TMEM132C: variants seen among roughly 807,000 people sequenced by gnomAD.
TMEM132C encodes the protein transmembrane protein 132C, also known as protein phosphatase 1, regulatory subunit 152.
TMEM132C carries 29 observed loss-of-function variants against 61.4 expected under a neutral mutation model. That is an observed-to-expected ratio of 0.47 (90% CI 0.35 to 0.64). The LOEUF (loss-of-function observed/expected upper bound fraction) is 0.64, where lower values mean the gene tolerates loss of function less well. TMEM132C is among the 30% of genes least tolerant of loss of function. The pLI is 0.00. For synonymous variants in TMEM132C, 656 were observed against 633.1 expected, an observed-to-expected ratio of 1.04 and a Z score of -0.54; for missense variants, 1,408 against 1,476.9, an observed-to-expected ratio of 0.95 and a Z score of 0.76.
intron 1 of TMEM132C, among the ~76,000 whole-genome samples, chr12:128,359,359 C>T (rs1225722613): frequency 6.6e-6 from 1 of 152,076 alleles, no homozygotes; most frequent in Non-Finnish European, 1.5e-5. Context: ...TTTATAAAAC[C>T]ATCAGATCTG....
intron 1 of TMEM132C, among the ~76,000 whole-genome samples, chr12:128,413,570 G>A (rs1389443464): frequency 1.3e-5 from 2 of 151,676 alleles, no homozygotes; most frequent in African/African-American, 4.8e-5. Flanking sequence ...TAGGTAAGAG[G>A]TGGTATTTGT....
chr12:128,313,602 G>C (rs9804832), intron 1 of TMEM132C, among the ~76,000 whole-genome samples: 49,124 of 152,082 alleles, frequency 0.32, 8,486 homozygotes, highest in East Asian at 0.47. Context: ...TTTTCTCCAA[G>C]GTCCTGCAGG....
chr12:128,670,636 A>G (rs913769643), intron 5 of TMEM132C, among the ~76,000 whole-genome samples: 2 of 152,206 alleles, frequency 1.3e-5, no homozygotes, highest in Non-Finnish European at 2.9e-5. Flanking sequence ...ACAGTCTTCC[A>G]TTGTGTTTAT....
intron 1 of TMEM132C, among the ~76,000 whole-genome samples, chr12:128,309,753 G>T: frequency 6.8e-6 from 1 of 146,824 alleles, no homozygotes. Context: ...TTTTTCCTGA[G>T]ATGGAGTCTC....
chr12:128,529,576 G>C (rs1335752086), intron 2 of TMEM132C, among the ~76,000 whole-genome samples: 1 of 152,150 alleles, frequency 6.6e-6, no homozygotes, highest in Non-Finnish European at 1.5e-5. Flanking sequence ...CTGAGGTCAG[G>C]AGTTTGAGAC....
intron 1 of TMEM132C, among the ~76,000 whole-genome samples, chr12:128,274,772 C>T (rs1306249629): frequency 6.6e-6 from 1 of 152,154 alleles, no homozygotes; most frequent in Non-Finnish European, 1.5e-5. Context: ...TTGAAAATAC[C>T]AATCCCCAGG....
intron 2 of TMEM132C, among the ~76,000 whole-genome samples, chr12:128,522,738 T>TGG (rs554936412): frequency 2.0e-3 from 303 of 152,326 alleles, no homozygotes; most frequent in African/African-American, 7.0e-3. Context: ...ACAAGCAAGC[T>TGG]GGGCCAAGTC....
intron 1 of TMEM132C, among the ~76,000 whole-genome samples, chr12:128,380,141 T>C (rs534604061): frequency 6.6e-6 from 1 of 152,380 alleles, no homozygotes; most frequent in Non-Finnish European, 1.5e-5. Context: ...TAAAACAACA[T>C]GCACTCCTGT....
At chr12:128,526,009 T>C (rs1457507317) in intron 2 of TMEM132C, among the ~76,000 whole-genome samples, 3 of 152,226 alleles carry the variant, frequency 2.0e-5, no homozygotes, top group African/African-American at 7.2e-5. Context: ...CAGAATGTGC[T>C]CTCTGCAGGA....
At chr12:128,589,599 T>A (rs11612075) in intron 3 of TMEM132C, among the ~76,000 whole-genome samples, 10,714 of 150,726 alleles carry the variant, frequency 0.071, 520 homozygotes, top group Non-Finnish European at 0.11. Context: ...CTTTATTATC[T>A]ATTTTAGCAT....
chr12:128,460,112 G>A (rs187361017), intron 2 of TMEM132C, among the ~76,000 whole-genome samples: 62 of 152,218 alleles, frequency 4.1e-4, no homozygotes, highest in South Asian at 6.2e-4. Context: ...AAGAGAACTC[G>A]TTGGGAGATA....
intron 1 of TMEM132C, among the ~76,000 whole-genome samples, chr12:128,397,616 G>A (rs931849848): frequency 2.6e-5 from 4 of 152,092 alleles, no homozygotes; most frequent in Non-Finnish European, 4.4e-5. Context: ...GATTGCACTC[G>A]CCCCTCCCCT....
At chr12:128,268,657 T>A (rs1434480022) in intron 1 of TMEM132C, among the ~76,000 whole-genome samples, 1 of 152,116 alleles carries the variant, frequency 6.6e-6, no homozygotes, top group African/African-American at 2.4e-5. Context: ...TCCCGCCTAA[T>A]GCTCTGAGGC....
At chr12:128,426,805 T>G (rs1297172888) in intron 2 of TMEM132C, among the ~76,000 whole-genome samples, 3 of 152,182 alleles carry the variant, frequency 2.0e-5, no homozygotes, top group African/African-American at 7.2e-5. Flanking sequence ...AACATAGAAT[T>G]GACTCCAGCT....
intron 2 of TMEM132C, among the ~76,000 whole-genome samples, chr12:128,483,328 G>GGGAGGAGA (rs1555226849): frequency 1.6e-3 from 231 of 140,832 alleles, no homozygotes; most frequent in Middle Eastern, 3.6e-3. Context: ...AGGAGGGGAG[G>GGGAGGAGA]GTGGAGGAAG....
intron 5 of TMEM132C, among the ~76,000 whole-genome samples, chr12:128,688,626 G>A (rs891556347): frequency 1.3e-5 from 2 of 152,122 alleles, no homozygotes; most frequent in Admixed American, 1.3e-4. Flanking sequence ...ATCATTCTAA[G>A]TGTTTATTTT....
At chr12:128,386,599 T>A (rs983387545) in intron 1 of TMEM132C, among the ~76,000 whole-genome samples, 2 of 152,170 alleles carry the variant, frequency 1.3e-5, no homozygotes, top group Admixed American at 6.5e-5. Flanking sequence ...ACAGCAGGGA[T>A]CTCGTGGCAG....
rs557954497 is a variant in TMEM132C, at chr12:128,676,952, C to T, written c.1449+7392C>T. 5.9e-5 allele frequency among the ~76,000 whole-genome samples: 9 copies of T among 152,290 alleles called. No homozygotes were observed. The East Asian group carries it at 1.2e-3, about 20-fold the overall frequency. Reference sequence around the variant, plus strand: ...CTGAATGGGAGAGAACCCTGGATGTCGGCCTCTTTGTTGATTCACATTCAA... The same window carrying T: ...CTGAATGGGAGAGAACCCTGGATGTTGGCCTCTTTGTTGATTCACATTCAA... On this transcript the variant is annotated intron_variant, in intron 5 of 8. Coordinates refer to ENST00000435159, the MANE Select transcript of TMEM132C (RefSeq NM_001136103.3).
chr12:128,605,561 C>A (rs1300923508), intron 3 of TMEM132C, among the ~76,000 whole-genome samples: 1 of 152,168 alleles, frequency 6.6e-6, no homozygotes, highest in African/African-American at 2.4e-5. Context: ...ATAAAATTAA[C>A]CCTCACAGAG....
Sources: allele counts gnomAD v4.1 joint callset (sites outside exome capture counted in the v4.1 genomes callset), GRCh38; gene constraint gnomAD v4.1.1; transcripts MANE v1.5; gene names NCBI Gene and HGNC (gene_info 2026-07-23, HGNC 2026-07-21).